The following LRRC52 variants were observed in gnomAD, a reference collection of about 807,000 sequenced individuals.
The protein encoded by LRRC52 is leucine rich repeat containing 52.
In LRRC52, 15 loss-of-function variants were observed where a neutral mutation model predicts 14.7. The observed-to-expected ratio is 1.02, with a 90% CI of 0.68 to 1.58. The LOEUF (loss-of-function observed/expected upper bound fraction) is 1.58, where lower values mean the gene tolerates loss of function less well. Among genes scored for constraint, LRRC52 ranks in the 40% most tolerant of loss-of-function variants. LRRC52 has a pLI of 0.00. For missense variants in LRRC52, 400 were observed against 387.7 expected (o/e 1.03, Z -0.27); for synonymous variants, 180 against 163.9 (o/e 1.10, Z -0.75).
intron 1 of LRRC52, among the ~76,000 whole-genome samples, chr1:165,547,833 C>T (rs1260132308): frequency 6.6e-6 from 1 of 152,174 alleles, no homozygotes; most frequent in East Asian, 1.9e-4. Flanking sequence ...AAGTTGAACA[C>T]ACATACAGTA....
At chr1:165,553,755 T>C (rs1020048683) in intron 1 of LRRC52, among the ~76,000 whole-genome samples, 6 of 151,882 alleles carry the variant, frequency 4.0e-5, no homozygotes, top group Admixed American at 3.9e-4. Context: ...GAGGCGAGGG[T>C]AAACATAGAT....
chr1:165,563,014 C>T (rs1046778188), intron 1 of LRRC52, among the ~76,000 whole-genome samples: 1 of 151,974 alleles, frequency 6.6e-6, no homozygotes, highest in African/African-American at 2.4e-5. Flanking sequence ...CCAGGTTGGA[C>T]TCAGCTACTG....
chr1:165,548,240 T>C (rs1340434896), intron 1 of LRRC52, among the ~76,000 whole-genome samples: 1 of 152,212 alleles, frequency 6.6e-6, no homozygotes, highest in Non-Finnish European at 1.5e-5. Flanking sequence ...TTAAGGGCAA[T>C]ATGAGAGTGC....
chr1:165,563,772 G>A lies in LRRC52; in HGVS notation c.890G>A (p.Arg297Gln), dbSNP rs114914708. ...GGGACTAGGGTGGAAGTCAGCCGGC[G>A]GATTTTTCAAACCCAGACGAGCTCG... ...EAGTRVEVSR[R>Q]IFQTQTSSVQ... The change falls in exon 2 of 2, where the codon CGG becomes CAG. Residue 297 changes from arginine (R) to glutamine (Q), a missense_variant. Coordinates refer to ENST00000294818, the MANE Select transcript of LRRC52 (RefSeq NM_001005214.4). The A allele has an allele frequency of 4.5e-4, 723 of 1,614,124 alleles. 4 individuals are homozygous for A. The East Asian group carries it at 0.015, about 34-fold the overall frequency.
intron 1 of LRRC52, among the ~76,000 whole-genome samples, chr1:165,554,766 C>T (rs149471077): frequency 1.5e-3 from 233 of 152,292 alleles, no homozygotes; most frequent in African/African-American, 5.2e-3. Context: ...AGAATTTGGC[C>T]TTCTCCTCAA....
rs199604137 is a variant in LRRC52 at position 165,563,857 on chromosome 1, C to A, written c.*33C>A. ...AGACCACTATCTTATGTGCCTCCCC[C>A]AGGCTCCCTGCTTTCTCTCTTGCCC... On this transcript the variant is annotated 3_prime_UTR_variant, in exon 2 of 2. Transcript: ENST00000294818. The A allele has an allele frequency of 5.7e-5, 91 of 1,592,010 alleles. No individual in the cohort carries two copies. The East Asian group carries it at 1.9e-3, about 34-fold the overall frequency.
chr1:165,546,335 A>T (rs1661020082), intron 1 of LRRC52, among the ~76,000 whole-genome samples: 2 of 152,192 alleles, frequency 1.3e-5, no homozygotes, highest in Non-Finnish European at 2.9e-5. Context: ...AAAAGAAACT[A>T]ACTTTGTCAG....
intron 1 of LRRC52, among the ~76,000 whole-genome samples, chr1:165,560,230 T>A (rs984512831): frequency 2.0e-5 from 3 of 152,216 alleles, no homozygotes; most frequent in Non-Finnish European, 4.4e-5. Context: ...TTGTAGCACA[T>A]GGAAAATGTA....
intron 1 of LRRC52, among the ~76,000 whole-genome samples, chr1:165,548,856 C>T (rs752139626): frequency 1.3e-5 from 2 of 152,090 alleles, no homozygotes; most frequent in Non-Finnish European, 2.9e-5. Context: ...GTACAGGATA[C>T]TAAGAGAGTA....
intron 1 of LRRC52, among the ~76,000 whole-genome samples, chr1:165,547,494 T>C (rs1402467106): frequency 6.6e-6 from 1 of 152,026 alleles, no homozygotes; most frequent in Non-Finnish European, 1.5e-5. Context: ...CTACCCCAAC[T>C]CCAAAAGGGT....
rs751897874 is a variant in LRRC52 at position 165,544,275 on chromosome 1, AG to A, written c.-19del. The A allele has an allele frequency of 8.6e-6, 12 of 1,394,704 alleles. No homozygotes were observed. In the South Asian group the frequency reaches 9.2e-5, roughly 11 times the overall value. The allele number at this position is 1,394,704 out of a possible 1,614,324, so 86.4% of individuals were successfully genotyped here. A position where few individuals can be genotyped will look rare whatever the true frequency, so the allele number is the denominator to read the frequency against. ...ACAGAGCCCGCAGGAAGGTGAAAGGAGGGTGGTTGTGGCTTCTTACTATGTC... is the reference window on the plus strand; with the variant it reads ...ACAGAGCCCGCAGGAAGGTGAAAGGAGGTGGTTGTGGCTTCTTACTATGTC... On this transcript the variant is annotated 5_prime_UTR_variant, in exon 1 of 2. Coordinates refer to ENST00000294818, the MANE Select transcript of LRRC52 (RefSeq NM_001005214.4).
intron 1 of LRRC52, among the ~76,000 whole-genome samples, chr1:165,562,347 G>A (rs1661360543): frequency 1.3e-5 from 2 of 152,100 alleles, no homozygotes; most frequent in African/African-American, 4.8e-5. Flanking sequence ...GTTGTCTCAA[G>A]CCCTGAGCCG....
intron 1 of LRRC52, among the ~76,000 whole-genome samples, chr1:165,551,396 G>C (rs1317340383): frequency 6.6e-6 from 1 of 152,194 alleles, no homozygotes; most frequent in Non-Finnish European, 1.5e-5. Flanking sequence ...ACCTTCAGTG[G>C]CTGTTCCAAT....
chr1:165,551,811 T>C (rs1661137391), intron 1 of LRRC52, among the ~76,000 whole-genome samples: 1 of 152,114 alleles, frequency 6.6e-6, no homozygotes, highest in South Asian at 2.1e-4. Flanking sequence ...TTCAAGACTG[T>C]TGTAATGGGA....
intron 1 of LRRC52, among the ~76,000 whole-genome samples, chr1:165,557,065 A>G (rs1661248588): frequency 6.6e-6 from 1 of 152,236 alleles, no homozygotes; most frequent in Non-Finnish European, 1.5e-5. Context: ...TGTGCCAGGC[A>G]CTAAGGATAC....
Position 165,544,895 on chromosome 1 carries a change from T to C in LRRC52, c.599T>C (p.Ile200Thr). The change falls in exon 1 of 2, where the codon ATA becomes ACA. Residue 200 changes from isoleucine to threonine, a missense_variant. Physicochemically the swap from Ile to Thr is moderately conservative, Grantham distance 89. Coordinates refer to ENST00000294818, the MANE Select transcript of LRRC52 (RefSeq NM_001005214.4). Reference sequence around the variant, plus strand: ...TTCCTGGACTTCGCCATCTTCTTAATAGTGTTCCATATGGACCCCTCAGGT... The same window carrying C: ...TTCCTGGACTTCGCCATCTTCTTAACAGTGTTCCATATGGACCCCTCAGGT... ...CSFLDFAIFL[I>T]VFHMDPSDDL... 2 of 1,614,102 alleles carry C rather than the reference T, an allele frequency of 1.2e-6. No homozygotes were observed. The highest frequency in any genetic ancestry group is 1.7e-6 in the Non-Finnish European group (2 of 1,180,012).
At chr1:165,546,753 T>G (rs1333478615) in intron 1 of LRRC52, among the ~76,000 whole-genome samples, 1 of 152,084 alleles carries the variant, frequency 6.6e-6, no homozygotes, top group East Asian at 1.9e-4. Context: ...TTCATCAGAT[T>G]TCTGCTTGCA....
At chr1:165,557,571 A>G (rs973992272) in intron 1 of LRRC52, among the ~76,000 whole-genome samples, 2 of 152,232 alleles carry the variant, frequency 1.3e-5, no homozygotes, top group Non-Finnish European at 2.9e-5. Flanking sequence ...TAGTATCTGT[A>G]ATCTAATGAG....
chr1:165,563,809 C>T lies in LRRC52; in HGVS notation c.927C>T (p.Phe309=), dbSNP rs1383252850. 2 of 1,613,746 alleles carry T rather than the reference C, an allele frequency of 1.2e-6. No homozygotes were observed. Among genetic ancestry groups the T allele is most frequent in the East Asian group, 2.2e-5 (1 of 44,878 alleles). ...FQTQTSSVQE[F]PQLI ...CCCAGACGAGCTCGGTCCAGGAGTT[C>T]CCTCAGCTTATTTAGTTGCCAGAGA... is the stretch of plus-strand genomic sequence containing the variant. Residue 309 remains phenylalanine, a synonymous_variant, in exon 2 of 2, where the codon TTC becomes TTT. Transcript: ENST00000294818.
Sources: allele counts gnomAD v4.1 joint callset (sites outside exome capture counted in the v4.1 genomes callset), GRCh38; gene constraint gnomAD v4.1.1; transcripts MANE v1.5; gene names NCBI Gene and HGNC (gene_info 2026-07-23, HGNC 2026-07-21).